Variants in NLGN2 observed in about 807,000 individuals in gnomAD.
The protein encoded by NLGN2 is neuroligin-2.
Under a neutral mutation model 48.6 loss-of-function variants are expected in NLGN2, and 11 were observed. The ratio of observed to expected loss-of-function variants is 0.23; its 90% CI spans 0.14 to 0.37. The LOEUF (loss-of-function observed/expected upper bound fraction) is 0.37. NLGN2 is among the 10% of genes least tolerant of loss of function. The pLI, the probability that NLGN2 is intolerant of heterozygous loss-of-function variation, is 1.00. For missense variants in NLGN2, 801 were observed against 1,225.2 expected, an observed-to-expected ratio of 0.65 and a Z score of 5.17; for synonymous variants, 548 against 550.0, an observed-to-expected ratio of 1.00 and a Z score of 0.05.
Position 7,414,325 on chromosome 17 carries a change from C to T in NLGN2, c.509-19C>T, listed in dbSNP as rs1432669125. 5.2e-6 allele frequency: 7 copies of T among 1,349,934 alleles called. No individual in the cohort carries two copies. The highest frequency in any genetic ancestry group is 6.9e-6 in the Non-Finnish European group (7 of 1,010,856). The allele number at this position is 1,349,934 out of a possible 1,614,324, so 83.6% of individuals were successfully genotyped here. A position where few individuals can be genotyped will look rare whatever the true frequency, so the allele number is the denominator to read the frequency against. The stretch of plus-strand genomic sequence containing the variant: ...TGTCCCTGACCCCCTGGCCCACCTG[C>T]CCACCCCTCCCCACACAGATATCCG... On this transcript the variant is annotated intron_variant, in intron 2 of 6. Coordinates refer to ENST00000302926, the MANE Select transcript of NLGN2 (RefSeq NM_020795.4).
chr17:7,409,204 G>A (rs375779535), intron 1 of NLGN2, among the ~76,000 whole-genome samples: 43 of 152,192 alleles, frequency 2.8e-4, no homozygotes, highest in African/African-American at 1.0e-3. Context: ...GGTGAGGGCT[G>A]CCTTCCATCT....
Position 7,417,282 on chromosome 17 carries a change from G to A in NLGN2, c.1991G>A (p.Arg664His), listed in dbSNP as rs371672267. ...EPEPGPRAYD[R>H]FPGDSRDYST... Reference sequence around the variant, plus strand: ...GAGCCCGGCCCAAGGGCCTATGACCGCTTCCCCGGGGACTCACGGGACTAC... The same window carrying A: ...GAGCCCGGCCCAAGGGCCTATGACCACTTCCCCGGGGACTCACGGGACTAC... The change falls in exon 7 of 7, where the codon CGC becomes CAC. Residue 664 changes from arginine to histidine, a missense_variant. Arg to His is a conservative substitution (Grantham distance 29). Coordinates refer to ENST00000302926, the MANE Select transcript of NLGN2 (RefSeq NM_020795.4). The A allele has an allele frequency of 4.2e-5, 67 of 1,596,646 alleles. No individual in the cohort carries two copies. The highest frequency in any genetic ancestry group is 5.2e-5 in the Non-Finnish European group (61 of 1,173,560).
At chr17:7,404,795 A>G (rs1420376353), upstream of NLGN2, 1 of 151,798 alleles carries the variant, frequency 6.6e-6, no homozygotes, top group African/African-American at 2.4e-5. Flanking sequence ...GCGGGCGGGC[A>G]GGCGGGTGCG....
At chr17:7,409,754 A>G (rs1051831170) in intron 1 of NLGN2, among the ~76,000 whole-genome samples, 1 of 152,066 alleles carries the variant, frequency 6.6e-6, no homozygotes, top group Non-Finnish European at 1.5e-5. Flanking sequence ...TCAAGTCCCA[A>G]AACAGATGGC....
rs762248973 is a variant in NLGN2, at chr17:7,414,619, G to A, written c.659-44G>A. On this transcript the variant is annotated intron_variant, in intron 3 of 6. Transcript: ENST00000302926. The stretch of plus-strand genomic sequence containing the variant: ...TGAGCTGCCCAGAAAGGGGGCAGGG[G>A]CGCTGTGACACCTCCAGGGAGCCCT... The A allele has an allele frequency of 1.4e-5, 22 of 1,612,498 alleles. No individual in the cohort carries two copies. The East Asian group carries it at 4.9e-4, about 36-fold the overall frequency.
intron 6 of NLGN2, 27 bp from the exon 7 acceptor site, chr17:7,416,898 TC>T (rs1444922775): frequency 1.2e-6 from 2 of 1,611,584 alleles, no homozygotes; most frequent in Non-Finnish European, 1.7e-6. Context: ...CCCTCACTCC[TC>T]CTTTCCCTGC....
intron 3 of NLGN2, 68 bp from the exon 4 acceptor site, chr17:7,414,595 G>C: frequency 6.2e-7 from 1 of 1,611,220 alleles, no homozygotes; most frequent in Non-Finnish European, 8.5e-7. Flanking sequence ...GGGCTGGACT[G>C]AGCTGCCCAG....
At chr17:7,416,176 G>A in intron 6 of NLGN2, 69 bp downstream of exon 6, 4 of 1,276,804 alleles carry the variant, frequency 3.1e-6, no homozygotes, top group Non-Finnish European at 4.6e-6. Flanking sequence ...CCGTTCCTCT[G>A]TTAAGGCACT....
Position 7,414,332 on chromosome 17 carries a change from C to CT in NLGN2, c.509-11dup, listed in dbSNP as rs397729020. On this transcript the variant is annotated splice_polypyrimidine_tract_variant and intron_variant, in intron 2 of 6. Coordinates refer to ENST00000302926, the MANE Select transcript of NLGN2 (RefSeq NM_020795.4). Reference sequence around the variant, plus strand: ...GACCCCCTGGCCCACCTGCCCACCCCTCCCCACACAGATATCCGTGACCCT... The same window carrying CT: ...GACCCCCTGGCCCACCTGCCCACCCCTTCCCCACACAGATATCCGTGACCCT... 1.2e-6 allele frequency: 2 copies of CT among 1,610,336 alleles called. No individual in the cohort carries two copies. Among genetic ancestry groups the CT allele is most frequent in the Admixed American group, 1.7e-5 (1 of 59,922 alleles).
upstream of NLGN2, among the ~76,000 whole-genome samples, chr17:7,404,673 G>A (rs921770798): frequency 6.6e-6 from 1 of 151,952 alleles, no homozygotes; most frequent in African/African-American, 2.4e-5. Flanking sequence ...GAGCCCCGAG[G>A]GTGGGAGATC....
chr17:7,411,072 C>G lies in NLGN2; in HGVS notation c.458-1085C>G, dbSNP rs1029220855. The stretch of plus-strand genomic sequence containing the variant: ...GGGGAACCCCCAGGCCTCTGGGCTC[C>G]AGCTCGCCCCTGACCAACCCCGTAA... On this transcript the variant is annotated intron_variant, in intron 1 of 6. Transcript: ENST00000302926. The surrounding 1 kb of genome is among the most constrained non-coding windows in gnomAD (Gnocchi z 4.5). 2.6e-5 allele frequency among the ~76,000 whole-genome samples: 4 copies of G among 152,244 alleles called. No individual in the cohort carries two copies. Among genetic ancestry groups the G allele is most frequent in the Non-Finnish European group, 5.9e-5 (4 of 68,042 alleles).
rs1005462175 is a variant in NLGN2 at position 7,407,853 on chromosome 17, G to A, written c.-403G>A. On this transcript the variant is annotated 5_prime_UTR_variant, in exon 1 of 7. Coordinates refer to ENST00000302926, the MANE Select transcript of NLGN2 (RefSeq NM_020795.4). ...GTGGGTGGGAGAAGGGGGCAACTTG[G>A]TCTGAATTCCAGGTCACTAACCACT... Among the ~76,000 whole-genome samples the A allele has an allele frequency of 1.3e-5, 2 of 152,050 alleles. No homozygotes were observed. The highest frequency in any genetic ancestry group is 2.4e-5 in the African/African-American group (1 of 41,376).
upstream of NLGN2, among the ~76,000 whole-genome samples, chr17:7,407,195 C>G (rs1248934389): frequency 2.6e-5 from 4 of 152,210 alleles, no homozygotes; most frequent in Non-Finnish European, 5.9e-5. Flanking sequence ...TCCAGAACCC[C>G]CCTCCAGGGT....
At chr17:7,414,564 A>G (rs1280499546) in intron 3 of NLGN2, 71 bp downstream of exon 3, 7 of 1,611,620 alleles carry the variant, frequency 4.3e-6, no homozygotes, top group Non-Finnish European at 3.4e-6. Flanking sequence ...GGGTTCCTCC[A>G]CATCCAGCAG....
rs990105793 is a variant in NLGN2 at position 7,418,033 on chromosome 17, T to C, written c.*234T>C. On this transcript the variant is annotated 3_prime_UTR_variant, in exon 7 of 7. Coordinates refer to ENST00000302926, the MANE Select transcript of NLGN2 (RefSeq NM_020795.4). ...ACTGGGGGGCGTTTTCTCCCCCCCA[T>C]TGGGACACCAGTCTTCGGTGTGTGG... 2.7e-5 allele frequency: 9 copies of C among 339,606 alleles called. No homozygotes were observed. The highest frequency in any genetic ancestry group is 4.3e-5 in the Non-Finnish European group (8 of 187,654). The allele number at this position is 339,606 out of a possible 1,614,324, so 21.0% of individuals were successfully genotyped here. A position where few individuals can be genotyped will look rare whatever the true frequency, so the allele number is the denominator to read the frequency against.
rs1387759853 is a variant in NLGN2, at chr17:7,416,027, C to G, written c.1554C>G (p.Leu518=). Residue 518 remains leucine (L), a synonymous_variant, in exon 6 of 7, where the codon CTC becomes CTG. Coordinates refer to ENST00000302926, the MANE Select transcript of NLGN2 (RefSeq NM_020795.4). ...TGCCCATGGTGGGTGCCACCGACCTCTTCCCCTGTAACTTCTCCAAGAATG... is the reference window on the plus strand; with the variant it reads ...TGCCCATGGTGGGTGCCACCGACCTGTTCCCCTGTAACTTCTCCAAGAATG... The part of the protein sequence containing the change: ...FGVPMVGATD[L]FPCNFSKNDV... 1 of 1,613,896 alleles carries G rather than the reference C, an allele frequency of 6.2e-7. No individual in the cohort carries two copies. Among genetic ancestry groups the G allele is most frequent in the African/African-American group, 1.3e-5 (1 of 74,910 alleles).
upstream of NLGN2, among the ~76,000 whole-genome samples, chr17:7,406,669 C>G (rs1228487921): frequency 8.8e-5 from 13 of 148,044 alleles, no homozygotes; most frequent in Non-Finnish European, 1.8e-4. Context: ...GGGGGCTTGC[C>G]GAAATGACCT....
At position 7,417,272 on chromosome 17, in the gene NLGN2, G is replaced by A. The variant is rs1305514578; in HGVS notation, c.1981G>A (p.Ala661Thr). The part of the protein sequence containing the change: ...PEPEPEPGPR[A>T]YDRFPGDSRD... ...GCCCGAGCCCGAGCCCGGCCCAAGG[G>A]CCTATGACCGCTTCCCCGGGGACTC... The change falls in exon 7 of 7, where the codon GCC (alanine) becomes ACC (threonine). Residue 661 changes from alanine (A) to threonine (T), a missense_variant. By Grantham distance (58) the Ala-to-Thr change is moderately conservative (BLOSUM62 0). Coordinates refer to ENST00000302926, the MANE Select transcript of NLGN2 (RefSeq NM_020795.4). 1 of 1,594,238 alleles carries A rather than the reference G, an allele frequency of 6.3e-7. No homozygotes were observed. The highest frequency in any genetic ancestry group is 1.4e-5 in the African/African-American group (1 of 72,592).
Position 7,411,216 on chromosome 17 carries a change from G to A in NLGN2, c.458-941G>A, listed in dbSNP as rs920616411. Among the ~76,000 whole-genome samples, 3 of 152,216 alleles carry A rather than the reference G, an allele frequency of 2.0e-5. No homozygotes were observed. Among genetic ancestry groups the A allele is most frequent in the Admixed American group, 1.3e-4 (2 of 15,288 alleles). ...TCCCTATCTGTGGACTGAACCACCC[G>A]CTCGGCCGTTGGGGAAGGGGTGCTT... is the stretch of plus-strand genomic sequence containing the variant. On this transcript the variant is annotated intron_variant, in intron 1 of 6. Transcript: ENST00000302926. This position sits in a 1 kb window ranked among gnomAD's most constrained non-coding sequence, Gnocchi z 4.5.
Sources: allele counts gnomAD v4.1 joint callset (sites outside exome capture counted in the v4.1 genomes callset), GRCh38; gene constraint gnomAD v4.1.1; non-coding constraint Gnocchi (gnomAD v3.1); transcripts MANE v1.5; gene names NCBI Gene and HGNC (gene_info 2026-07-23, HGNC 2026-07-21).